Variants in MTA3 observed in about 807,000 individuals in gnomAD.
The protein encoded by MTA3 is metastasis-associated protein MTA3.
In MTA3, 34 loss-of-function variants were observed where a neutral mutation model predicts 83.5. The observed-to-expected ratio is 0.41, with a 90% CI of 0.31 to 0.54. The LOEUF is 0.54. Ranked by LOEUF, MTA3 falls within the 20% of genes least tolerant of loss-of-function variation. The probability of loss-of-function intolerance (pLI) is 0.33; values close to 1 mark genes in which losing one functional copy is unlikely to be tolerated. For synonymous variants in MTA3, 303 were observed against 252.7 expected, an observed-to-expected ratio of 1.20 and a Z score of -1.89; for missense variants, 761 against 726.4, an observed-to-expected ratio of 1.05 and a Z score of -0.55.
intron 16 of MTA3, among the ~76,000 whole-genome samples, chr2:42,733,655 T>C (rs924559375): frequency 3.3e-5 from 5 of 152,142 alleles, no homozygotes; most frequent in Non-Finnish European, 7.4e-5. Flanking sequence ...TTTTGCTTGT[T>C]TGTTTTTGTT....
intron 3 of MTA3, among the ~76,000 whole-genome samples, chr2:42,602,131 G>A (rs982862131): frequency 2.0e-5 from 3 of 152,032 alleles, no homozygotes; most frequent in African/African-American, 7.2e-5. Flanking sequence ...GTGAACCACT[G>A]CCCAGTCCTA....
At chr2:42,701,462 T>C (rs977893540) in intron 11 of MTA3, among the ~76,000 whole-genome samples, 2 of 145,814 alleles carry the variant, frequency 1.4e-5, no homozygotes, top group South Asian at 4.3e-4. Flanking sequence ...CCAGGCATGG[T>C]GGCACACACC....
intron 2 of MTA3, among the ~76,000 whole-genome samples, chr2:42,540,548 T>C (rs1042095595): frequency 6.6e-6 from 1 of 151,950 alleles, no homozygotes; most frequent in Non-Finnish European, 1.5e-5. Flanking sequence ...TAATATTCTT[T>C]CCCCAGCTGG....
chr2:42,693,105 C>T (rs1693059787), intron 9 of MTA3, among the ~76,000 whole-genome samples: 1 of 151,710 alleles, frequency 6.6e-6, no homozygotes, highest in South Asian at 2.1e-4. Context: ...TCTCCCTCTT[C>T]CCCTCCCCCT....
At chr2:42,753,307 C>T (rs1670020252) in intron 16 of MTA3, 67 bp from the exon 17 acceptor site, 1 of 1,548,606 alleles carries the variant, frequency 6.5e-7, no homozygotes, top group Non-Finnish European at 8.7e-7. Flanking sequence ...TGAGTCCATC[C>T]TCCCTTTCAT....
intron 2 of MTA3, among the ~76,000 whole-genome samples, chr2:42,578,047 G>T (rs1383753588): frequency 6.6e-6 from 1 of 152,178 alleles, no homozygotes; most frequent in Non-Finnish European, 1.5e-5. Flanking sequence ...AAGGGGCACT[G>T]TTTCCACAGG....
chr2:42,706,520 G>GT (rs2104501714), intron 12 of MTA3, among the ~76,000 whole-genome samples: 1 of 152,194 alleles, frequency 6.6e-6, no homozygotes, highest in South Asian at 2.1e-4. Flanking sequence ...TTTCACATTG[G>GT]TTTGTGAAGT....
intron 4 of MTA3, among the ~76,000 whole-genome samples, chr2:42,627,323 C>T (rs1470209952): frequency 6.6e-6 from 1 of 152,174 alleles, no homozygotes; most frequent in East Asian, 1.9e-4. Flanking sequence ...AGTGATCCTT[C>T]TGCCTTGGCC....
chr2:42,634,253 G>A (rs12712854), intron 4 of MTA3, among the ~76,000 whole-genome samples: 5 of 152,094 alleles, frequency 3.3e-5, no homozygotes, highest in African/African-American at 1.2e-4. Context: ...GGTAGTCATG[G>A]AAATTTATGT....
intron 8 of MTA3, among the ~76,000 whole-genome samples, chr2:42,668,610 A>G (rs929091199): frequency 1.3e-5 from 2 of 152,162 alleles, no homozygotes; most frequent in Non-Finnish European, 2.9e-5. Flanking sequence ...TTTTTCACCC[A>G]TAATCTTTGT....
At chr2:42,593,825 A>G (rs959849981) in intron 3 of MTA3, among the ~76,000 whole-genome samples, 1 of 152,204 alleles carries the variant, frequency 6.6e-6, no homozygotes, top group African/African-American at 2.4e-5. Flanking sequence ...TAAAAAATAA[A>G]TGGTTATATG....
At chr2:42,615,456 A>G (rs1684748200) in intron 4 of MTA3, among the ~76,000 whole-genome samples, 2 of 151,504 alleles carry the variant, frequency 1.3e-5, no homozygotes, top group South Asian at 4.2e-4. Flanking sequence ...CCCAGGTTCA[A>G]GCGATTCTCT....
chr2:42,673,198 G>T (rs1231717250), intron 8 of MTA3, among the ~76,000 whole-genome samples: 2 of 151,524 alleles, frequency 1.3e-5, no homozygotes, highest in Admixed American at 1.3e-4. Context: ...GTTTACTCAT[G>T]AGAGTTTATT....
intron 2 of MTA3, among the ~76,000 whole-genome samples, chr2:42,526,129 C>T (rs1675699238): frequency 6.6e-6 from 1 of 152,188 alleles, no homozygotes; most frequent in Non-Finnish European, 1.5e-5. Flanking sequence ...AGTAACAATG[C>T]TCTAATCCCA....
At chr2:42,593,923 C>T (rs1369626308) in intron 3 of MTA3, among the ~76,000 whole-genome samples, 1 of 151,254 alleles carries the variant, frequency 6.6e-6, no homozygotes, top group Non-Finnish European at 1.5e-5. Context: ...GTGCCCATTC[C>T]CTTCCATTTT....
intron 4 of MTA3, among the ~76,000 whole-genome samples, chr2:42,627,567 C>CT (rs989080006): frequency 1.2e-4 from 18 of 150,902 alleles, no homozygotes; most frequent in African/African-American, 4.1e-4. Context: ...TTCTTTTTTT[C>CT]TTTTTTTTAA....
chr2:42,525,199 T>TC (rs1675633149), intron 2 of MTA3, among the ~76,000 whole-genome samples: 1 of 148,652 alleles, frequency 6.7e-6, no homozygotes, highest in African/African-American at 2.5e-5. Flanking sequence ...TTCTTCTTCT[T>TC]TTTTTTTTTT....
chr2:42,534,504 G>A (rs542542173), intron 2 of MTA3, among the ~76,000 whole-genome samples: 3 of 152,212 alleles, frequency 2.0e-5, no homozygotes, highest in South Asian at 2.1e-4. Context: ...GGCTGAGGGA[G>A]GAGAATCGCT....
chr2:42,596,006 A>G (rs1573141502), intron 3 of MTA3, among the ~76,000 whole-genome samples: 2 of 152,342 alleles, frequency 1.3e-5, no homozygotes, highest in African/African-American at 2.4e-5. Flanking sequence ...GAGAAATACT[A>G]AAGAGAGAAG....
Sources: gnomAD v4.1 joint callset for allele counts (sites outside exome capture counted in the v4.1 genomes callset) on GRCh38, gnomAD v4.1.1 for gene constraint, MANE v1.5 for transcripts, NCBI Gene and HGNC (gene_info 2026-07-23, HGNC 2026-07-21) for gene names.